Variants in RHOT1 observed in about 807,000 individuals in gnomAD.
RHOT1 encodes the protein mitochondrial Rho GTPase 1.
Under a neutral mutation model 95.3 loss-of-function variants are expected in RHOT1, and 27 were observed. The ratio of observed to expected loss-of-function variants is 0.28; its 90% confidence interval spans 0.21 to 0.39. RHOT1 has a LOEUF of 0.39. RHOT1 is among the 10% of genes least tolerant of loss of function. RHOT1 has a pLI of 1.00. For missense variants in RHOT1, 578 were observed against 786.7 expected, an observed-to-expected ratio of 0.73 and a Z score of 3.17; for synonymous variants, 227 against 263.5, an observed-to-expected ratio of 0.86 and a Z score of 1.34.
At chr17:32,181,401 T>A (rs1288347502) in intron 6 of RHOT1, among the ~76,000 whole-genome samples, 1 of 152,228 alleles carries the variant, frequency 6.6e-6, no homozygotes, top group African/African-American at 2.4e-5. Flanking sequence ...GTTTCTGCTT[T>A]TCCCTCAATC....
chr17:32,143,287 C>G (rs2030722146), intron 1 of RHOT1, among the ~76,000 whole-genome samples: 1 of 149,084 alleles, frequency 6.7e-6, no homozygotes, highest in Non-Finnish European at 1.5e-5. Context: ...GCAGTCTTCA[C>G]TCTCTCTATG....
intron 1 of RHOT1, among the ~76,000 whole-genome samples, chr17:32,154,145 A>G (rs1450181620): frequency 6.6e-6 from 1 of 151,786 alleles, no homozygotes; most frequent in Non-Finnish European, 1.5e-5. Flanking sequence ...TCTAAAAAAA[A>G]AAAAAGAGAA....
intron 8 of RHOT1, among the ~76,000 whole-genome samples, chr17:32,190,172 T>C (rs530024051): frequency 6.6e-6 from 1 of 152,114 alleles, no homozygotes; most frequent in Admixed American, 6.6e-5. Context: ...AAGTGCATCG[T>C]TGGCCGGGCG....
intron 19 of RHOT1, among the ~76,000 whole-genome samples, chr17:32,218,825 A>G (rs1431893088): frequency 3.3e-5 from 5 of 152,202 alleles, no homozygotes; most frequent in African/African-American, 2.4e-5. Flanking sequence ...GAATAAATAA[A>G]TAAATAAAGA....
rs1357896602 is a variant in RHOT1 at position 32,225,398 on chromosome 17, T to C, written c.*665T>C. 1 of 152,626 alleles carries C rather than the reference T, an allele frequency of 6.6e-6. No individual in the cohort carries two copies. Among genetic ancestry groups the C allele is most frequent in the East Asian group, 1.9e-4 (1 of 5,196 alleles). The allele number at this position is 152,626 out of a possible 1,614,324, so 9.5% of individuals were successfully genotyped here. ...TTATCTATGTGATTATGTTGCTTCC[T>C]TGTCAGTATGTTGAATTTTATAGCC... On this transcript the variant is annotated 3_prime_UTR_variant, in exon 20 of 20. Coordinates refer to ENST00000545287, the MANE Select transcript of RHOT1 (RefSeq NM_001033566.3).
At chr17:32,221,170 C>T (rs1249583059) in intron 19 of RHOT1, 1 of 299,054 alleles carries the variant, frequency 3.3e-6, no homozygotes, top group Non-Finnish European at 4.9e-6. Context: ...GAGATCGAGA[C>T]CATCGTGGCC....
At chr17:32,190,694 T>G (rs2036425420) in intron 8 of RHOT1, among the ~76,000 whole-genome samples, 1 of 152,224 alleles carries the variant, frequency 6.6e-6, no homozygotes, top group Non-Finnish European at 1.5e-5. Flanking sequence ...GGATCACATT[T>G]ATAGAAGCAT....
intron 19 of RHOT1, among the ~76,000 whole-genome samples, chr17:32,219,466 T>G (rs1276021104): frequency 6.6e-6 from 1 of 152,180 alleles, no homozygotes; most frequent in African/African-American, 2.4e-5. Flanking sequence ...GCAGAATTAA[T>G]TAAAAGTATT....
At chr17:32,175,936 G>A (rs8076276) in intron 4 of RHOT1, 26 bp from the exon 5 acceptor site, 261,019 of 1,454,772 alleles carry the variant, frequency 0.18, 24,592 homozygotes, top group South Asian at 0.27. Flanking sequence ...TTTTAGATAC[G>A]ATTAATTTGT....
At chr17:32,177,760 A>C (rs1231830972) in intron 6 of RHOT1, among the ~76,000 whole-genome samples, 1 of 150,748 alleles carries the variant, frequency 6.6e-6, no homozygotes, top group Non-Finnish European at 1.5e-5. Flanking sequence ...GTCTCAAAAA[A>C]AAAAAAAAAG....
chr17:32,221,118 A>C, intron 19 of RHOT1: 9 of 893,820 alleles, frequency 1.0e-5, no homozygotes, highest in South Asian at 5.1e-5. Context: ...CTGTAATCTC[A>C]GCACTTTCGG....
chr17:32,169,299 T>C (rs999031350), intron 1 of RHOT1, among the ~76,000 whole-genome samples: 4 of 152,344 alleles, frequency 2.6e-5, no homozygotes, highest in African/African-American at 9.6e-5. Context: ...TTAGTAAGCA[T>C]GTGGACTGTT....
chr17:32,164,393 T>C (rs1279799068), intron 1 of RHOT1, among the ~76,000 whole-genome samples: 1 of 151,328 alleles, frequency 6.6e-6, no homozygotes, highest in Admixed American at 6.6e-5. Flanking sequence ...GCCACCATGC[T>C]CAGCTAATTT....
At chr17:32,219,692 A>G (rs1055849509) in intron 19 of RHOT1, among the ~76,000 whole-genome samples, 2 of 152,190 alleles carry the variant, frequency 1.3e-5, no homozygotes, top group African/African-American at 4.8e-5. Context: ...CACCTGTGTC[A>G]AGGAGAACTT....
chr17:32,198,462 A>G (rs545922393), intron 11 of RHOT1, among the ~76,000 whole-genome samples: 112 of 152,306 alleles, frequency 7.4e-4, no homozygotes, highest in Non-Finnish European at 1.3e-3. Context: ...TAATCCCAAC[A>G]CTTACTGGGA....
chr17:32,167,452 G>A (rs981257180), intron 1 of RHOT1, among the ~76,000 whole-genome samples: 4 of 151,604 alleles, frequency 2.6e-5, no homozygotes, highest in African/African-American at 9.7e-5. Flanking sequence ...TCAGCCTCCC[G>A]AGTAGCTGGG....
chr17:32,147,137 C>T (rs1478133261), intron 1 of RHOT1, among the ~76,000 whole-genome samples: 1 of 151,320 alleles, frequency 6.6e-6, no homozygotes, highest in Non-Finnish European at 1.5e-5. Context: ...ATCAGCCTCT[C>T]AGGTTCAAGC....
intron 19 of RHOT1, chr17:32,221,031 G>A: frequency 7.2e-6 from 7 of 974,314 alleles, no homozygotes; most frequent in Non-Finnish European, 8.5e-6. Context: ...AAAGAATTAT[G>A]CTTTTGAATT....
chr17:32,150,528 G>T, intron 1 of RHOT1: 1 of 1,480,728 alleles, frequency 6.8e-7, no homozygotes, highest in South Asian at 1.2e-5. Context: ...TACTGGGCCA[G>T]GTTTGTGTGG....
Sources: allele counts gnomAD v4.1 joint callset (sites outside exome capture counted in the v4.1 genomes callset), GRCh38; gene constraint gnomAD v4.1.1; transcripts MANE v1.5; gene names NCBI Gene and HGNC (gene_info 2026-07-23, HGNC 2026-07-21).